DPP10: variants seen among roughly 807,000 people sequenced by gnomAD.
DPP10 encodes the protein inactive dipeptidyl peptidase 10.
A neutral mutation model predicts 120.9 loss-of-function variants in DPP10; 33 were observed. That is an observed-to-expected ratio of 0.27 (90% CI 0.21 to 0.37). DPP10 has a LOEUF of 0.37. DPP10 is among the 10% of genes least tolerant of loss of function. The pLI is 1.00. For synonymous variants in DPP10, 337 were observed against 326.1 expected, an observed-to-expected ratio of 1.03 and a Z score of -0.36; for missense variants, 816 against 942.8, an observed-to-expected ratio of 0.87 and a Z score of 1.76.
At position 115,287,271 on chromosome 2, in the gene DPP10, C is replaced by T. The variant is rs559071980; in HGVS notation, c.61-21968C>T. Among the ~76,000 whole-genome samples the T allele has an allele frequency of 1.4e-3, 220 of 152,044 alleles. 1 individual carries two copies. The highest frequency in any genetic ancestry group is 5.1e-3 in the African/African-American group (212 of 41,518). On this transcript the variant is annotated intron_variant, in intron 1 of 25. Coordinates refer to ENST00000410059, the MANE Select transcript of DPP10 (RefSeq NM_020868.6). ...TTGAGATATGTGCATTTTACTCTGT[C>T]AGTTTTATTTTATTTTTAATTAATT...
chr2:115,358,818 C>T (rs1451587066), intron 3 of DPP10, among the ~76,000 whole-genome samples: 1 of 152,132 alleles, frequency 6.6e-6, no homozygotes, highest in Non-Finnish European at 1.5e-5. Flanking sequence ...CAAACATATC[C>T]TTCACATGGC....
rs72955647 is a variant in DPP10 at position 114,688,844 on chromosome 2, A to T, written c.60+246006A>T. Among the ~76,000 whole-genome samples the T allele has an allele frequency of 1.2e-3, 183 of 152,030 alleles. 2 individuals carry two copies. The highest frequency in any genetic ancestry group is 4.2e-3 in the African/African-American group (176 of 41,520). On this transcript the variant is annotated intron_variant, in intron 1 of 25. Coordinates refer to ENST00000410059, the MANE Select transcript of DPP10 (RefSeq NM_020868.6). ...GCTACATGAATCATTACCATCGTCA[A>T]CAAAGGAGAAGTTAGGAGGACATAT...
At chr2:114,471,262 A>T (rs1223950187) in intron 1 of DPP10, among the ~76,000 whole-genome samples, 1 of 152,200 alleles carries the variant, frequency 6.6e-6, no homozygotes, top group Non-Finnish European at 1.5e-5. Context: ...AAATGCTAGA[A>T]AGAAAAAATG....
chr2:114,577,804 A>G (rs1016583495), intron 1 of DPP10, among the ~76,000 whole-genome samples: 12 of 152,114 alleles, frequency 7.9e-5, no homozygotes, highest in African/African-American at 2.7e-4. Flanking sequence ...TTTGCTGGCA[A>G]TCTTTGGAAG....
chr2:114,958,580 T>A (rs1698382038), intron 1 of DPP10, among the ~76,000 whole-genome samples: 1 of 152,212 alleles, frequency 6.6e-6, no homozygotes, highest in Admixed American at 6.5e-5. Context: ...ATATGTTAAT[T>A]AGCTTGATTT....
At chr2:115,690,521 T>C (rs1268265661) in intron 7 of DPP10, among the ~76,000 whole-genome samples, 1 of 152,198 alleles carries the variant, frequency 6.6e-6, no homozygotes, top group Non-Finnish European at 1.5e-5. Context: ...TAAGCAATTC[T>C]TGTGCTTCAG....
intron 5 of DPP10, among the ~76,000 whole-genome samples, chr2:115,581,956 G>T (rs2082025006): frequency 6.6e-6 from 1 of 152,186 alleles, no homozygotes; most frequent in Non-Finnish European, 1.5e-5. Context: ...TTTGAGGAAA[G>T]AATTTGGCTG....
chr2:114,851,303 A>T (rs1688929535), intron 1 of DPP10, among the ~76,000 whole-genome samples: 1 of 152,146 alleles, frequency 6.6e-6, no homozygotes, highest in African/African-American at 2.4e-5. Context: ...ATGGGAGTTT[A>T]TGTGTGTTAC....
chr2:114,941,779 C>G (rs1006446114), intron 1 of DPP10, among the ~76,000 whole-genome samples: 1 of 152,084 alleles, frequency 6.6e-6, no homozygotes, highest in Admixed American at 6.6e-5. Context: ...AAGGCACATT[C>G]CTAGTTGCTA....
At chr2:115,387,844 T>G (rs1303481794) in intron 3 of DPP10, among the ~76,000 whole-genome samples, 1 of 152,076 alleles carries the variant, frequency 6.6e-6, no homozygotes, top group Admixed American at 6.5e-5. Context: ...ACGTTATAAT[T>G]GATGGTAATA....
chr2:115,501,205 A>G (rs34886936), intron 4 of DPP10, among the ~76,000 whole-genome samples: 32,160 of 151,926 alleles, frequency 0.21, 3,886 homozygotes, highest in East Asian at 0.39. Context: ...GCTGTGCCTC[A>G]TTAAATACTC....
At chr2:114,449,497 G>T (rs116771011) in intron 1 of DPP10, among the ~76,000 whole-genome samples, 128 of 150,812 alleles carry the variant, frequency 8.5e-4, no homozygotes, top group African/African-American at 3.0e-3. Context: ...AGTTACCACT[G>T]GGAAGAAAAG....
At chr2:115,357,034 T>G (rs1056965864) in intron 3 of DPP10, among the ~76,000 whole-genome samples, 1 of 152,218 alleles carries the variant, frequency 6.6e-6, no homozygotes. Flanking sequence ...CTCCCATCTT[T>G]TGTATTATCC....
At chr2:115,610,819 T>C (rs937388548) in intron 5 of DPP10, among the ~76,000 whole-genome samples, 3 of 152,182 alleles carry the variant, frequency 2.0e-5, no homozygotes, top group Non-Finnish European at 4.4e-5. Flanking sequence ...TGGAATTGGC[T>C]TTTTGTATTA....
At chr2:114,570,693 C>A (rs192174386) in intron 1 of DPP10, among the ~76,000 whole-genome samples, 2 of 150,874 alleles carry the variant, frequency 1.3e-5, no homozygotes, top group Admixed American at 6.6e-5. Context: ...ATTAGCCGGG[C>A]GTGGTGGCGG....
chr2:115,329,774 T>C (rs1477497442), intron 2 of DPP10, among the ~76,000 whole-genome samples: 2 of 152,198 alleles, frequency 1.3e-5, no homozygotes, highest in Non-Finnish European at 2.9e-5. Flanking sequence ...ACTCATCCTT[T>C]TTTATGGCTG....
At chr2:115,260,063 T>C (rs1337342953) in intron 1 of DPP10, among the ~76,000 whole-genome samples, 1 of 151,186 alleles carries the variant, frequency 6.6e-6, no homozygotes, top group Non-Finnish European at 1.5e-5. Context: ...TTCACGCTTT[T>C]CCATAAAACA....
intron 1 of DPP10, among the ~76,000 whole-genome samples, chr2:114,804,016 A>G (rs994738595): frequency 7.9e-5 from 12 of 152,166 alleles, no homozygotes; most frequent in Non-Finnish European, 2.9e-5. Flanking sequence ...GGCCGGGTCC[A>G]GGGTCCCCGC....
chr2:114,619,384 T>C (rs1419955733), intron 1 of DPP10, among the ~76,000 whole-genome samples: 1 of 100,278 alleles, frequency 1.0e-5, no homozygotes, highest in African/African-American at 5.0e-5. Flanking sequence ...TATACATATG[T>C]GTGTGTGTGT....
Sources: gnomAD v4.1 joint callset for allele counts (sites outside exome capture counted in the v4.1 genomes callset) on GRCh38, gnomAD v4.1.1 for gene constraint, MANE v1.5 for transcripts, NCBI Gene and HGNC (gene_info 2026-07-23, HGNC 2026-07-21) for gene names.